Variants in MAP3K13 observed in about 807,000 individuals in gnomAD.
MAP3K13 encodes mitogen-activated protein kinase kinase kinase 13.
Under a neutral mutation model 104.0 loss-of-function variants are expected in MAP3K13, and 52 were observed. The observed-to-expected ratio is 0.50, with a 90% confidence interval of 0.40 to 0.63. MAP3K13 has a LOEUF of 0.63. Ranked by LOEUF, MAP3K13 falls within the 20% of genes least tolerant of loss-of-function variation. The probability of loss-of-function intolerance (pLI) is 0.00; values close to 1 mark genes in which losing one functional copy is unlikely to be tolerated. For missense variants in MAP3K13, 914 were observed against 1,218.5 expected (o/e 0.75, Z 3.72); for synonymous variants, 394 against 442.2 (o/e 0.89, Z 1.37).
chr3:185,290,680 G>A (rs1460867946), intron 2 of MAP3K13, among the ~76,000 whole-genome samples: 6 of 152,054 alleles, frequency 3.9e-5, no homozygotes, highest in African/African-American at 1.4e-4. Context: ...TTGTACTTCA[G>A]TTTCTTTATC....
At chr3:185,404,728 C>T (rs1713013096) in intron 1 of MAP3K13, among the ~76,000 whole-genome samples, 1 of 152,114 alleles carries the variant, frequency 6.6e-6, no homozygotes, top group Non-Finnish European at 1.5e-5. Flanking sequence ...AGGTGCCCGC[C>T]ACCACGCCCG....
intron 5 of MAP3K13, among the ~76,000 whole-genome samples, chr3:185,448,923 T>C (rs1350178046): frequency 6.6e-6 from 1 of 152,254 alleles, no homozygotes; most frequent in Non-Finnish European, 1.5e-5. Context: ...TTTATCAGAG[T>C]ATTTTATGTA....
At position 185,454,765 on chromosome 3, in the gene MAP3K13, G is replaced by GAGATATATATATA. The variant is rs1716268403; in HGVS notation, c.1278+3371_1278+3372insGATATATATATAA. Among the ~76,000 whole-genome samples the GAGATATATATATA allele has an allele frequency of 2.5e-5, 2 of 81,232 alleles. 1 individual carries two copies. The highest frequency in any genetic ancestry group is 4.7e-5 in the Non-Finnish European group (2 of 42,576). The allele number at this position is 81,232 out of a possible 152,430, so 53.3% of individuals were successfully genotyped here. A position where few individuals can be genotyped will look rare whatever the true frequency, so the allele number is the denominator to read the frequency against. On this transcript the variant is annotated intron_variant, in intron 7 of 13. Coordinates refer to ENST00000265026, the MANE Select transcript of MAP3K13 (RefSeq NM_004721.5). ...TATATCATATATATGAGATATATAT[G>GAGATATATATATA]ACATATATATGAGATATATACATGA...
At chr3:185,342,611 T>C (rs1347352506) in intron 2 of MAP3K13, among the ~76,000 whole-genome samples, 1 of 152,238 alleles carries the variant, frequency 6.6e-6, no homozygotes, top group Admixed American at 6.5e-5. Flanking sequence ...TGTTACTCAC[T>C]ATTATTTATA....
chr3:185,428,748 T>C lies in MAP3K13; in HGVS notation c.167T>C (p.Leu56Pro). ...QQEKGMVRTE[L>P]IESVHSPVTT... ...GAAAAGGGGATGGTACGAACAGAGCTAATCGAGAGCGTGCACAGCCCCGTC... is the reference window on the plus strand; with the variant it reads ...GAAAAGGGGATGGTACGAACAGAGCCAATCGAGAGCGTGCACAGCCCCGTC... The change falls in exon 2 of 14, where the codon CTA becomes CCA. Residue 56 changes from leucine (L) to proline (P), a missense_variant. By Grantham distance (98) the Leu-to-Pro change is moderately conservative. This residue lies in a region of MAP3K13 where 156 missense variants were observed against 159.8 expected (regional missense o/e 0.98). Coordinates refer to ENST00000265026, the MANE Select transcript of MAP3K13 (RefSeq NM_004721.5). 6.2e-7 allele frequency: 1 copy of C among 1,614,180 alleles called. No individual in the cohort carries two copies. Among genetic ancestry groups the C allele is most frequent in the Non-Finnish European group, 8.5e-7 (1 of 1,180,038 alleles).
rs528332143 is a variant in MAP3K13, at chr3:185,418,288, G to A, written c.-85-10209G>A. On this transcript the variant is annotated intron_variant, in intron 1 of 13. Transcript: ENST00000265026. The surrounding 1 kb of genome is among the most constrained non-coding windows in gnomAD (Gnocchi z 4.5). ...CTTAAGGAGCAAAACAGCTTCCTTGGTCTTCTTGTAGCCTTCAACTTTATC... is the reference window on the plus strand; with the variant it reads ...CTTAAGGAGCAAAACAGCTTCCTTGATCTTCTTGTAGCCTTCAACTTTATC... 3.0e-5 allele frequency: 47 copies of A among 1,581,554 alleles called. No individual in the cohort carries two copies. The South Asian group carries it at 5.0e-4, about 17-fold the overall frequency.
intron 2 of MAP3K13, among the ~76,000 whole-genome samples, chr3:185,307,351 T>C (rs1721320581): frequency 6.6e-6 from 1 of 152,100 alleles, no homozygotes; most frequent in Admixed American, 6.6e-5. Context: ...GTTCCATAAG[T>C]CCCTTAGGCA....
chr3:185,363,443 A>C, intron 1 of MAP3K13, 75 bp downstream of exon 1: 2 of 785,612 alleles, frequency 2.5e-6, no homozygotes, highest in Non-Finnish European at 3.1e-6. Flanking sequence ...GTGTGATTTG[A>C]GGTGATTAGA....
intron 7 of MAP3K13, among the ~76,000 whole-genome samples, chr3:185,455,655 A>G (rs1287017567): frequency 8.3e-4 from 30 of 35,978 alleles, no homozygotes; most frequent in Non-Finnish European, 1.3e-3. Context: ...AGATATATAT[A>G]TGATATATAT....
intron 2 of MAP3K13, among the ~76,000 whole-genome samples, chr3:185,354,784 C>T (rs546290903): frequency 1.4e-4 from 22 of 152,262 alleles, no homozygotes; most frequent in African/African-American, 5.1e-4. Flanking sequence ...TATTGTTACT[C>T]ATCTCACCAA....
At chr3:185,317,069 C>T (rs1464851215) in intron 2 of MAP3K13, among the ~76,000 whole-genome samples, 1 of 152,198 alleles carries the variant, frequency 6.6e-6, no homozygotes, top group African/African-American at 2.4e-5. Flanking sequence ...TGATACTCCA[C>T]TCTTTCTCCA....
intron 2 of MAP3K13, among the ~76,000 whole-genome samples, chr3:185,327,969 A>C (rs1722099212): frequency 1.4e-5 from 2 of 146,574 alleles, no homozygotes; most frequent in Non-Finnish European, 3.0e-5. Context: ...GAGGGAGGGA[A>C]GAAAGGAAGG....
intron 2 of MAP3K13, among the ~76,000 whole-genome samples, chr3:185,322,461 C>T (rs2108696702): frequency 6.6e-6 from 1 of 152,276 alleles, no homozygotes; most frequent in South Asian, 2.1e-4. Context: ...GAAATTACAC[C>T]ATCCTGCTCC....
intron 1 of MAP3K13, among the ~76,000 whole-genome samples, chr3:185,419,405 T>C (rs1295105780): frequency 6.6e-6 from 1 of 152,238 alleles, no homozygotes; most frequent in Non-Finnish European, 1.5e-5. Flanking sequence ...TCTGAAAATA[T>C]AGTGAAGTGG....
At chr3:185,300,913 G>A (rs116354318) in intron 2 of MAP3K13, among the ~76,000 whole-genome samples, 194 of 152,306 alleles carry the variant, frequency 1.3e-3, no homozygotes, top group African/African-American at 4.5e-3. Flanking sequence ...GAACATGAGC[G>A]TGTGAATATC....
At chr3:185,462,968 T>C (rs1577603049) in intron 7 of MAP3K13, among the ~76,000 whole-genome samples, 1 of 152,172 alleles carries the variant, frequency 6.6e-6, no homozygotes, top group East Asian at 1.9e-4. Flanking sequence ...ATACTCTCTC[T>C]TTCCTCCTCC....
chr3:185,445,814 T>C (rs1715559525), intron 4 of MAP3K13, among the ~76,000 whole-genome samples: 1 of 152,154 alleles, frequency 6.6e-6, no homozygotes, highest in Non-Finnish European at 1.5e-5. Flanking sequence ...TAATGTTATA[T>C]TTTTCTAGTC....
chr3:185,394,083 G>T (rs965361798), intron 1 of MAP3K13, among the ~76,000 whole-genome samples: 1 of 152,170 alleles, frequency 6.6e-6, no homozygotes, highest in Admixed American at 6.5e-5. Flanking sequence ...AGGCAAGGGA[G>T]AATGAGAGGT....
chr3:185,291,607 TTCAAGCA>T, intron 2 of MAP3K13: 1 of 1,510,280 alleles, frequency 6.6e-7, no homozygotes, highest in African/African-American at 1.4e-5. Flanking sequence ...TTGTTTTGTT[TTCAAGCA>T]TCAAGTACCA....
Sources: allele counts gnomAD v4.1 joint callset (sites outside exome capture counted in the v4.1 genomes callset), GRCh38; gene constraint gnomAD v4.1.1; regional missense constraint gnomAD v4.1.1; non-coding constraint Gnocchi (gnomAD v3.1); transcripts MANE v1.5; gene names NCBI Gene and HGNC (gene_info 2026-07-23, HGNC 2026-07-21).